Variants in SCFD1 observed in about 807,000 individuals in gnomAD.
SCFD1 encodes the protein sec1 family domain containing 1.
In SCFD1, 37 loss-of-function variants were observed where a neutral mutation model predicts 103.2. That is an observed-to-expected ratio of 0.36 (90% CI 0.28 to 0.47). The LOEUF is 0.47. SCFD1 is among the 20% of genes least tolerant of loss of function. The probability of loss-of-function intolerance (pLI) is 1.00; values close to 1 mark genes in which losing one functional copy is unlikely to be tolerated. For missense variants in SCFD1, 639 were observed against 761.2 expected, an observed-to-expected ratio of 0.84 and a Z score of 1.89; for synonymous variants, 264 against 245.0, an observed-to-expected ratio of 1.08 and a Z score of -0.73.
intron 10 of SCFD1, among the ~76,000 whole-genome samples, chr14:30,660,562 A>G (rs1276112635): frequency 6.6e-6 from 1 of 152,110 alleles, no homozygotes; most frequent in Non-Finnish European, 1.5e-5. Context: ...CTGATGGCAA[A>G]TGGTGATTTT....
At chr14:30,668,918 T>C (rs1453340482) in intron 10 of SCFD1, among the ~76,000 whole-genome samples, 1 of 152,152 alleles carries the variant, frequency 6.6e-6, no homozygotes, top group Non-Finnish European at 1.5e-5. Flanking sequence ...CTGGAGAGGC[T>C]GTGGAGAAAT....
intron 6 of SCFD1, among the ~76,000 whole-genome samples, chr14:30,641,024 T>C (rs999355254): frequency 6.6e-6 from 1 of 152,136 alleles, no homozygotes; most frequent in Non-Finnish European, 1.5e-5. Flanking sequence ...AGAATAACTT[T>C]ATGAAGTAGA....
intron 15 of SCFD1, 95 bp downstream of exon 15, chr14:30,694,964 T>G: frequency 6.6e-7 from 1 of 1,505,338 alleles, no homozygotes. Context: ...GTTGTTTTTC[T>G]GACAGTCAAT....
At chr14:30,622,428 CT>C in intron 1 of SCFD1, 29 bp downstream of exon 1, 2 of 1,550,214 alleles carry the variant, frequency 1.3e-6, no homozygotes, top group Non-Finnish European at 1.7e-6. Context: ...CTCCTTGAAG[CT>C]TCGTGACTGC....
At chr14:30,734,582 TG>T in intron 23 of SCFD1, 2 of 526,840 alleles carry the variant, frequency 3.8e-6, no homozygotes, top group South Asian at 2.2e-5. Flanking sequence ...GTATATATTT[TG>T]GGGGACAAAA....
chr14:30,734,201 G>A (rs1893675145), intron 23 of SCFD1, among the ~76,000 whole-genome samples: 1 of 152,154 alleles, frequency 6.6e-6, no homozygotes, highest in African/African-American at 2.4e-5. Flanking sequence ...GAAATCTCAT[G>A]AATTTACCTT....
chr14:30,680,788 G>A (rs1283473261), intron 14 of SCFD1, among the ~76,000 whole-genome samples: 1 of 152,110 alleles, frequency 6.6e-6, no homozygotes. Flanking sequence ...ACAAAAAATA[G>A]AGAGTAGAAG....
At chr14:30,681,447 T>C (rs1371371379) in intron 14 of SCFD1, among the ~76,000 whole-genome samples, 1 of 151,986 alleles carries the variant, frequency 6.6e-6, no homozygotes, top group African/African-American at 2.4e-5. Context: ...ATCATTTTAG[T>C]CTGAATTTAA....
intron 14 of SCFD1, among the ~76,000 whole-genome samples, chr14:30,675,886 A>T (rs1371556903): frequency 6.6e-6 from 1 of 152,238 alleles, no homozygotes; most frequent in Non-Finnish European, 1.5e-5. Flanking sequence ...TAACATAGAT[A>T]ATGGGCAGCA....
intron 21 of SCFD1, 73 bp downstream of exon 21, chr14:30,719,450 A>G: frequency 1.9e-6 from 2 of 1,027,372 alleles, no homozygotes; most frequent in Non-Finnish European, 1.5e-6. Flanking sequence ...TTTATTATAT[A>G]GTACTGCTTA....
intron 10 of SCFD1, 190 bp downstream of exon 10, chr14:30,653,778 GT>G (rs1486463733): frequency 2.3e-6 from 1 of 433,110 alleles, no homozygotes; most frequent in East Asian, 3.7e-5. Context: ...TTAAAGTTTA[GT>G]TTCAAATTTA....
chr14:30,734,634 T>C (rs764034385), intron 23 of SCFD1, 156 bp from the exon 24 acceptor site: 5 of 610,928 alleles, frequency 8.2e-6, no homozygotes, highest in Non-Finnish European at 1.2e-5. Context: ...CTTTATTTCA[T>C]GCAATTTTAG....
intron 2 of SCFD1, among the ~76,000 whole-genome samples, chr14:30,629,956 C>T (rs2138996490): frequency 6.6e-6 from 1 of 151,812 alleles, no homozygotes; most frequent in Admixed American, 6.6e-5. Context: ...GGTCCTGGAA[C>T]TTGTTATATA....
intron 14 of SCFD1, chr14:30,676,299 A>T (rs1281362093): frequency 6.6e-6 from 1 of 152,240 alleles, no homozygotes; most frequent in Non-Finnish European, 1.5e-5. Context: ...GGCCCTGAAG[A>T]TACTGTAGTA....
At chr14:30,624,655 C>G (rs1336505085) in intron 1 of SCFD1, among the ~76,000 whole-genome samples, 1 of 152,148 alleles carries the variant, frequency 6.6e-6, no homozygotes. Context: ...TGTTCTCCTT[C>G]ATTATTTTTC....
intron 14 of SCFD1, among the ~76,000 whole-genome samples, chr14:30,680,670 T>C (rs563063133): frequency 1.4e-4 from 21 of 152,318 alleles, no homozygotes; most frequent in African/African-American, 5.1e-4. Flanking sequence ...GGCATGCACC[T>C]GTAATCCTGG....
At chr14:30,683,285 T>C in intron 14 of SCFD1, 2 of 905,848 alleles carry the variant, frequency 2.2e-6, no homozygotes, top group Non-Finnish European at 3.3e-6. Flanking sequence ...GTGTCCACAC[T>C]GGGATAGTAG....
intron 10 of SCFD1, 172 bp downstream of exon 10, chr14:30,653,760 G>A (rs1886624599): frequency 2.2e-6 from 1 of 453,254 alleles, no homozygotes; most frequent in Non-Finnish European, 3.9e-6. Flanking sequence ...GCTGGAAAAT[G>A]TGAAGCATTA....
chr14:30,733,384 C>T (rs1273559229), intron 23 of SCFD1, among the ~76,000 whole-genome samples: 1 of 152,158 alleles, frequency 6.6e-6, no homozygotes, highest in Non-Finnish European at 1.5e-5. Context: ...CAAGTTTGCA[C>T]TGGAATGTTT....
Sources: gnomAD v4.1 joint callset for allele counts (sites outside exome capture counted in the v4.1 genomes callset) on GRCh38, gnomAD v4.1.1 for gene constraint, MANE v1.5 for transcripts, NCBI Gene and HGNC (gene_info 2026-07-23, HGNC 2026-07-21) for gene names.